Variants in SERPINB7 observed in about 807,000 individuals in gnomAD.
SERPINB7 encodes the protein serpin family B member 7, also known as serpin B7.
SERPINB7 carries 31 observed loss-of-function variants against 37.4 expected under a neutral mutation model. The ratio of observed to expected loss-of-function variants is 0.83; its 90% CI spans 0.62 to 1.12. The LOEUF (loss-of-function observed/expected upper bound fraction) is 1.12, where lower values mean the gene tolerates loss of function less well. SERPINB7 is among the 50% of genes most tolerant of loss of function. SERPINB7 has a pLI of 0.00. For missense variants in SERPINB7, 521 were observed against 455.3 expected, an observed-to-expected ratio of 1.14 and a Z score of -1.31; for synonymous variants, 163 against 166.1, an observed-to-expected ratio of 0.98 and a Z score of 0.14.
intron 2 of SERPINB7, among the ~76,000 whole-genome samples, chr18:63,785,955 A>C (rs1473477087): frequency 7.6e-6 from 1 of 132,444 alleles, no homozygotes; most frequent in South Asian, 2.3e-4. Flanking sequence ...TAATATACTT[A>C]TATATACACA....
At chr18:63,800,549 C>T (rs2049536468) in intron 6 of SERPINB7, among the ~76,000 whole-genome samples, 1 of 151,980 alleles carries the variant, frequency 6.6e-6, no homozygotes, top group South Asian at 2.1e-4. Context: ...TCACATAATC[C>T]TCACAACAAT....
intron 1 of SERPINB7, among the ~76,000 whole-genome samples, chr18:63,780,937 T>G (rs755912669): frequency 2.8e-4 from 43 of 152,354 alleles, no homozygotes; most frequent in Admixed American, 2.5e-3. Flanking sequence ...TCACAGAGAA[T>G]AGTAAATGCA....
intron 2 of SERPINB7, among the ~76,000 whole-genome samples, chr18:63,791,105 A>G (rs567341614): frequency 5.3e-5 from 8 of 152,264 alleles, no homozygotes; most frequent in Middle Eastern, 3.4e-3. Context: ...ATATGGACAC[A>G]GGGAGGGGTA....
intron 1 of SERPINB7, among the ~76,000 whole-genome samples, chr18:63,755,151 G>T (rs1232361598): frequency 6.6e-6 from 1 of 151,890 alleles, no homozygotes. Context: ...TGATCCACCC[G>T]CCTCGGCCTC....
chr18:63,778,117 C>T (rs1296430338), intron 1 of SERPINB7: 1 of 151,976 alleles, frequency 6.6e-6, no homozygotes, highest in Non-Finnish European at 1.5e-5. Flanking sequence ...AATTTGTGTT[C>T]CATCTTTGAA....
intron 2 of SERPINB7, among the ~76,000 whole-genome samples, chr18:63,789,919 T>C (rs2049409740): frequency 6.6e-6 from 1 of 152,212 alleles, no homozygotes; most frequent in Non-Finnish European, 1.5e-5. Context: ...ATAAATCAAA[T>C]GCTGATGTTC....
intron 1 of SERPINB7, chr18:63,777,879 GACACACAC>G (rs67119027): frequency 0.021 from 2,751 of 131,278 alleles, 41 homozygotes; most frequent in Non-Finnish European, 0.028. Context: ...TTTGAAAAAA[GACACACAC>G]ACACACACAC....
chr18:63,791,674 T>A (rs934644454), intron 2 of SERPINB7, among the ~76,000 whole-genome samples: 7 of 152,140 alleles, frequency 4.6e-5, no homozygotes, highest in African/African-American at 1.4e-4. Flanking sequence ...GCAGTGGTGC[T>A]ATCTCGGCTC....
chr18:63,796,253 T>C lies in SERPINB7; in HGVS notation c.337-13T>C, dbSNP rs749143772. 24 of 1,462,182 alleles carry C rather than the reference T, an allele frequency of 1.6e-5. No individual in the cohort carries two copies. 90.6% of individuals were successfully genotyped at this position (1,462,182 alleles called of 1,614,324 possible). A position where few individuals can be genotyped will look rare whatever the true frequency, so the allele number is the denominator to read the frequency against. On this transcript the variant is annotated splice_polypyrimidine_tract_variant and intron_variant, in intron 4 of 7. Transcript: ENST00000398019. ...ATGATTTGTAAATACGAGAACTATA[T>C]TCTTCTTTATAGGACTACATTGAGT...
At chr18:63,755,199 C>T (rs188242851) in intron 1 of SERPINB7, among the ~76,000 whole-genome samples, 528 of 152,202 alleles carry the variant, frequency 3.5e-3, no homozygotes, top group South Asian at 5.8e-3. Flanking sequence ...CCACCGCGCC[C>T]GGCCTAAACT....
At chr18:63,801,619 C>T (rs1014078816) in intron 7 of SERPINB7, among the ~76,000 whole-genome samples, 1 of 152,042 alleles carries the variant, frequency 6.6e-6, no homozygotes, top group Non-Finnish European at 1.5e-5. Context: ...TGGTGGGCAG[C>T]GGTCTAGGGA....
chr18:63,786,120 T>C (rs1296915666), intron 2 of SERPINB7, among the ~76,000 whole-genome samples: 1 of 134,594 alleles, frequency 7.4e-6, no homozygotes, highest in African/African-American at 2.8e-5. Flanking sequence ...TATATATGTA[T>C]ATATATACGT....
At chr18:63,786,974 T>C (rs558711286) in intron 2 of SERPINB7, among the ~76,000 whole-genome samples, 1 of 147,288 alleles carries the variant, frequency 6.8e-6, no homozygotes, top group South Asian at 2.1e-4. Flanking sequence ...CCATTTGGGA[T>C]TTTTTTAGAT....
upstream of SERPINB7, among the ~76,000 whole-genome samples, chr18:63,772,667 A>C (rs193130163): frequency 2.2e-4 from 34 of 152,268 alleles, no homozygotes; most frequent in African/African-American, 7.9e-4. Context: ...GATTTTGTTT[A>C]GAAAACCTCC....
intron 7 of SERPINB7, among the ~76,000 whole-genome samples, chr18:63,803,219 G>A (rs932566357): frequency 5.3e-5 from 8 of 151,846 alleles, no homozygotes; most frequent in African/African-American, 1.4e-4. Context: ...TAACGATGAG[G>A]AAGTTGGATC....
intron 4 of SERPINB7, 21 bp downstream of exon 4, chr18:63,793,298 T>C (rs1228530088): frequency 2.4e-6 from 3 of 1,235,856 alleles, no homozygotes; most frequent in Non-Finnish European, 3.5e-6. Context: ...CTGCCTTTGT[T>C]AGAAGGACCT....
In SERPINB7 at chr18:63,804,490, G is replaced by C. The variant is rs779756265; in HGVS notation, c.998G>C (p.Gly333Ala). ...HKSYIEVTEE[G>A]TEATAATGSN... Reference sequence around the variant, plus strand: ...TCTTACATAGAGGTCACTGAGGAGGGCACCGAGGCTACTGCTGCCACAGGA... The same window carrying C: ...TCTTACATAGAGGTCACTGAGGAGGCCACCGAGGCTACTGCTGCCACAGGA... Residue 333 changes from glycine (G) to alanine (A), a missense_variant, in exon 8 of 8, where the codon GGC (glycine) becomes GCC (alanine). Coordinates refer to ENST00000398019, the MANE Select transcript of SERPINB7 (RefSeq NM_003784.4). 3 of 1,613,590 alleles carry C rather than the reference G, an allele frequency of 1.9e-6. No individual in the cohort carries two copies. In the Admixed American group the frequency reaches 5.0e-5, roughly 27 times the overall value.
intron 1 of SERPINB7, among the ~76,000 whole-genome samples, chr18:63,757,668 A>C (rs1468961896): frequency 1.3e-5 from 2 of 152,266 alleles, no homozygotes; most frequent in Non-Finnish European, 2.9e-5. Flanking sequence ...GGATGAATGC[A>C]TGGCCCACAA....
At chr18:63,754,711 C>T (rs995846815) in intron 1 of SERPINB7, among the ~76,000 whole-genome samples, 4 of 152,066 alleles carry the variant, frequency 2.6e-5, no homozygotes, top group African/African-American at 4.8e-5. Flanking sequence ...ATTTCCACTC[C>T]GAAGCTTTCT....
Sources: allele counts gnomAD v4.1 joint callset (sites outside exome capture counted in the v4.1 genomes callset), GRCh38; gene constraint gnomAD v4.1.1; transcripts MANE v1.5; gene names NCBI Gene and HGNC (gene_info 2026-07-23, HGNC 2026-07-21).